ADGRB3: variants seen among roughly 807,000 people sequenced by gnomAD.
ADGRB3 encodes brain-specific angiogenesis inhibitor 3.
In ADGRB3, 37 loss-of-function variants were observed where a neutral mutation model predicts 193.4. The observed-to-expected ratio is 0.19, with a 90% CI of 0.15 to 0.25. The LOEUF (loss-of-function observed/expected upper bound fraction) is 0.25. ADGRB3 is among the 10% of genes least tolerant of loss of function. The pLI is 1.00. For synonymous variants in ADGRB3, 690 were observed against 644.2 expected (o/e 1.07, Z -1.08); for missense variants, 1,637 against 1,852.9 (o/e 0.88, Z 2.14).
chr6:69,386,872 T>A (rs534066531), intron 31 of ADGRB3, among the ~76,000 whole-genome samples: 1 of 152,232 alleles, frequency 6.6e-6, no homozygotes, highest in African/African-American at 2.4e-5. Flanking sequence ...CCCATAGTAC[T>A]TTTCCTGGAT....
intron 3 of ADGRB3, among the ~76,000 whole-genome samples, chr6:68,905,173 T>C (rs867992203): frequency 1.3e-4 from 20 of 152,190 alleles, no homozygotes; most frequent in Admixed American, 5.9e-4. Context: ...AACGATCTGT[T>C]TTAATAGTCC....
At chr6:69,160,861 G>C (rs1389253802) in intron 17 of ADGRB3, among the ~76,000 whole-genome samples, 1 of 152,106 alleles carries the variant, frequency 6.6e-6, no homozygotes, top group African/African-American at 2.4e-5. Context: ...TCATGAAAGA[G>C]ACCAAGATAC....
intron 26 of ADGRB3, among the ~76,000 whole-genome samples, chr6:69,350,410 G>A (rs1468384074): frequency 6.6e-6 from 1 of 151,032 alleles, no homozygotes; most frequent in Non-Finnish European, 1.5e-5. Context: ...TTGACCCTCT[G>A]CCTATCAATT....
intron 20 of ADGRB3, among the ~76,000 whole-genome samples, chr6:69,302,470 A>G (rs1172275164): frequency 6.6e-6 from 1 of 151,924 alleles, no homozygotes; most frequent in Non-Finnish European, 1.5e-5. Context: ...AATTCTCCTG[A>G]TATTGAACAA....
intron 3 of ADGRB3, among the ~76,000 whole-genome samples, chr6:68,873,560 G>A (rs1367591088): frequency 1.3e-5 from 2 of 152,104 alleles, no homozygotes; most frequent in South Asian, 4.1e-4. Context: ...AAAATGGTGA[G>A]TAAAGATTCT....
In ADGRB3 at chr6:68,834,903, T is replaced by A. The variant is rs1701144772; in HGVS notation, c.758-95656T>A. Reference sequence around the variant, plus strand: ...CCCAAGCCTTTAAGTTTCGGTCAAATTGAATGTAAGTATTTTTTTTTTCCT... The same window carrying A: ...CCCAAGCCTTTAAGTTTCGGTCAAAATGAATGTAAGTATTTTTTTTTTCCT... On this transcript the variant is annotated intron_variant, in intron 3 of 31. Coordinates refer to ENST00000370598, the MANE Select transcript of ADGRB3 (RefSeq NM_001704.3). Among the ~76,000 whole-genome samples the A allele has an allele frequency of 2.0e-5, 3 of 152,120 alleles. No individual in the cohort carries two copies. In the South Asian group the frequency reaches 6.2e-4, roughly 32 times the overall value.
chr6:68,945,501 C>CT (rs1432475873), intron 6 of ADGRB3, among the ~76,000 whole-genome samples: 115 of 152,090 alleles, frequency 7.6e-4, no homozygotes, highest in African/African-American at 2.3e-3. Flanking sequence ...AAAATTTATA[C>CT]TTTTTAAATT....
At chr6:68,695,169 T>C (rs565368380) in intron 3 of ADGRB3, among the ~76,000 whole-genome samples, 87 of 152,106 alleles carry the variant, frequency 5.7e-4, no homozygotes, top group African/African-American at 2.0e-3. Context: ...CAGTATGAGA[T>C]AGCACAGATA....
intron 20 of ADGRB3, among the ~76,000 whole-genome samples, chr6:69,295,378 T>G (rs1767791120): frequency 6.6e-6 from 1 of 152,116 alleles, no homozygotes; most frequent in Non-Finnish European, 1.5e-5. Flanking sequence ...GCCTTCATTT[T>G]TAGGTAAATG....
At chr6:68,746,391 C>T (rs1766084908) in intron 3 of ADGRB3, among the ~76,000 whole-genome samples, 1 of 151,922 alleles carries the variant, frequency 6.6e-6, no homozygotes, top group South Asian at 2.1e-4. Flanking sequence ...TATTGATTCA[C>T]AAGAGCCCTT....
In ADGRB3 at chr6:69,190,160, TA is replaced by T. The variant is rs553116832; in HGVS notation, c.2481-43122del. Among the ~76,000 whole-genome samples the T allele has an allele frequency of 2.2e-3, 342 of 152,114 alleles. 5 individuals are homozygous for T. Among genetic ancestry groups the T allele is most frequent in the African/African-American group, 8.1e-3 (335 of 41,516 alleles). On this transcript the variant is annotated intron_variant, in intron 17 of 31. Coordinates refer to ENST00000370598, the MANE Select transcript of ADGRB3 (RefSeq NM_001704.3). ...TATTTCAGAGTGTACTTTTACTATT[TA>T]AAAAAAAGTTAACTATAAAGTAGCC... is the stretch of plus-strand genomic sequence containing the variant.
At chr6:69,077,716 G>A (rs897906655) in intron 17 of ADGRB3, among the ~76,000 whole-genome samples, 2 of 151,946 alleles carry the variant, frequency 1.3e-5, no homozygotes, top group Admixed American at 1.3e-4. Flanking sequence ...TATCTGTCAC[G>A]AAGAATGTCT....
In ADGRB3 at chr6:68,638,917, C is replaced by T. The variant is rs138036933; in HGVS notation, c.242C>T (p.Ser81Phe). Residue 81 changes from serine (S) to phenylalanine (F), a missense_variant, in exon 3 of 32, where the codon TCT becomes TTT. Physicochemically the swap from Ser to Phe is radical, Grantham distance 155. Transcript: ENST00000370598. The stretch of plus-strand genomic sequence containing the variant: ...TTTTCCAAAAAGGACCTTAGCTGCT[C>T]TAACTTTTCACTCCTGGCTTATCAG... ...LKFSKKDLSC[S>F]NFSLLAYQFD... 5.6e-6 allele frequency: 9 copies of T among 1,614,114 alleles called. No homozygotes were observed. The highest frequency in any genetic ancestry group is 6.8e-6 in the Non-Finnish European group (8 of 1,180,020).
In ADGRB3 at chr6:69,014,020, A is replaced by G. The variant is rs762115497; in HGVS notation, c.1930-18A>G. The G allele has an allele frequency of 1.6e-5, 23 of 1,482,714 alleles. No homozygotes were observed. The highest frequency in any genetic ancestry group is 1.8e-4 in the Middle Eastern group (1 of 5,712). The allele number at this position is 1,482,714 out of a possible 1,614,324, so 91.8% of individuals were successfully genotyped here. ...TCTCTCATGTAATATTAAATCTTTT[A>G]TCTAATTTAATTTACAGAACTTCTT... On this transcript the variant is annotated intron_variant, in intron 11 of 31. Transcript: ENST00000370598.
At chr6:68,742,849 A>T (rs562863634) in intron 3 of ADGRB3, among the ~76,000 whole-genome samples, 4 of 152,142 alleles carry the variant, frequency 2.6e-5, no homozygotes, top group African/African-American at 9.6e-5. Flanking sequence ...TATTTTATAT[A>T]GTGGGATACA....
chr6:68,828,269 A>G (rs1229073896), intron 3 of ADGRB3, among the ~76,000 whole-genome samples: 1 of 152,190 alleles, frequency 6.6e-6, no homozygotes, highest in Non-Finnish European at 1.5e-5. Flanking sequence ...TGGCTGGATA[A>G]CATATTTTAG....
In ADGRB3 at chr6:69,333,159, A is replaced by G. The variant is rs187952230; in HGVS notation, c.3188+151A>G. On this transcript the variant is annotated intron_variant, in intron 24 of 31. Transcript: ENST00000370598. Reference sequence around the variant, plus strand: ...AGATTCTGCTATATAAAAGTTTCCAATGTGCTATTTTTAAGCAATACGACC... The same window carrying G: ...AGATTCTGCTATATAAAAGTTTCCAGTGTGCTATTTTTAAGCAATACGACC... 2.7e-5 allele frequency: 24 copies of G among 890,068 alleles called. No individual in the cohort carries two copies. In the African/African-American group the frequency reaches 2.9e-4, roughly 11 times the overall value. The allele number at this position is 890,068 out of a possible 1,614,324, so 55.1% of individuals were successfully genotyped here. A position where few individuals can be genotyped will look rare whatever the true frequency, so the allele number is the denominator to read the frequency against.
At chr6:69,075,619 T>C (rs2150312476) in intron 16 of ADGRB3, among the ~76,000 whole-genome samples, 1 of 152,290 alleles carries the variant, frequency 6.6e-6, no homozygotes, top group South Asian at 2.1e-4. Flanking sequence ...TTCACTGTGA[T>C]TTCAATATTG....
intron 20 of ADGRB3, among the ~76,000 whole-genome samples, chr6:69,292,311 A>C (rs1049868255): frequency 2.0e-5 from 3 of 152,082 alleles, no homozygotes; most frequent in African/African-American, 7.2e-5. Context: ...AATAATTACT[A>C]TTAAGAAGTA....
Sources: allele counts gnomAD v4.1 joint callset (sites outside exome capture counted in the v4.1 genomes callset), GRCh38; gene constraint gnomAD v4.1.1; transcripts MANE v1.5; gene names NCBI Gene and HGNC (gene_info 2026-07-23, HGNC 2026-07-21).